CLSTN2: variants seen among roughly 807,000 people sequenced by gnomAD.
The protein encoded by CLSTN2 is calsyntenin-2.
CLSTN2 carries 48 observed loss-of-function variants against 101.2 expected under a neutral mutation model. The observed-to-expected ratio is 0.47, with a 90% CI of 0.38 to 0.60. The LOEUF (loss-of-function observed/expected upper bound fraction) is 0.60. Ranked by LOEUF, CLSTN2 falls within the 20% of genes least tolerant of loss-of-function variation. CLSTN2 has a pLI of 0.00. For synonymous variants in CLSTN2, 481 were observed against 463.6 expected, an observed-to-expected ratio of 1.04 and a Z score of -0.48; for missense variants, 1,160 against 1,238.2, an observed-to-expected ratio of 0.94 and a Z score of 0.95.
chr3:140,331,292 C>T (rs2087381176), intron 2 of CLSTN2, among the ~76,000 whole-genome samples: 1 of 152,188 alleles, frequency 6.6e-6, no homozygotes, highest in Admixed American at 6.5e-5. Context: ...ACCTGCTTTT[C>T]TACCTGGGCT....
chr3:139,975,524 G>A (rs552824182), intron 1 of CLSTN2, among the ~76,000 whole-genome samples: 5 of 152,190 alleles, frequency 3.3e-5, no homozygotes, highest in African/African-American at 9.7e-5. Context: ...AATCAGGACC[G>A]AGAGGCTGAT....
chr3:140,368,136 G>A (rs2087813391), intron 2 of CLSTN2, among the ~76,000 whole-genome samples: 2 of 152,322 alleles, frequency 1.3e-5, no homozygotes, highest in South Asian at 2.1e-4. Flanking sequence ...GAGCAGGGAT[G>A]CCTAAGTTAG....
intron 2 of CLSTN2, among the ~76,000 whole-genome samples, chr3:140,314,698 GGACCCAACCATCATTTT>G (rs1238404748): frequency 7.9e-5 from 12 of 152,110 alleles, no homozygotes; most frequent in Non-Finnish European, 1.5e-4. Flanking sequence ...GTGGGAACTG[GGACCCAACCATCATTTT>G]GAGTCTAATA....
At chr3:140,466,534 G>T (rs1227676606) in intron 7 of CLSTN2, 76 bp from the exon 8 acceptor site, 6 of 1,584,870 alleles carry the variant, frequency 3.8e-6, no homozygotes, top group Non-Finnish European at 5.2e-6. Flanking sequence ...TGCTAAGTGA[G>T]TGAGCAGGAA....
intron 1 of CLSTN2, among the ~76,000 whole-genome samples, chr3:140,152,963 A>T (rs1477484841): frequency 6.6e-6 from 1 of 152,224 alleles, no homozygotes; most frequent in Admixed American, 6.5e-5. Flanking sequence ...TAACTCAAAC[A>T]TTCCTAATGG....
intron 2 of CLSTN2, among the ~76,000 whole-genome samples, chr3:140,318,139 A>C (rs2087246219): frequency 6.6e-6 from 1 of 152,204 alleles, no homozygotes; most frequent in Admixed American, 6.5e-5. Context: ...CTCCAGAGGT[A>C]ATAGTCTTAA....
At chr3:140,490,609 A>C (rs997446699) in intron 8 of CLSTN2, among the ~76,000 whole-genome samples, 2 of 151,626 alleles carry the variant, frequency 1.3e-5, no homozygotes, top group African/African-American at 2.4e-5. Context: ...AAAAAAAAAA[A>C]AAAAAAACAT....
chr3:140,556,747 A>G (rs1935804520), intron 11 of CLSTN2, 86 bp downstream of exon 11: 3 of 1,370,760 alleles, frequency 2.2e-6, no homozygotes, highest in East Asian at 4.7e-5. Context: ...GTTCCCTCAC[A>G]AAACAGGAGT....
At chr3:139,943,982 G>A (rs754179420) in intron 1 of CLSTN2, among the ~76,000 whole-genome samples, 31 of 152,170 alleles carry the variant, frequency 2.0e-4, no homozygotes, top group Non-Finnish European at 7.3e-5. Flanking sequence ...CCAGCCTGGC[G>A]TAAAAGTCTA....
chr3:140,393,570 C>A (rs764163866), intron 2 of CLSTN2, among the ~76,000 whole-genome samples: 1 of 152,178 alleles, frequency 6.6e-6, no homozygotes, highest in Admixed American at 6.5e-5. Flanking sequence ...CAGAGGTAAT[C>A]GGACATGGTA....
intron 2 of CLSTN2, among the ~76,000 whole-genome samples, chr3:140,259,641 T>A (rs1278888100): frequency 6.6e-6 from 1 of 152,128 alleles, no homozygotes; most frequent in African/African-American, 2.4e-5. Flanking sequence ...TCCCACCTTT[T>A]CAAACCCCAT....
At chr3:140,387,088 A>G (rs914547732) in intron 2 of CLSTN2, among the ~76,000 whole-genome samples, 1 of 152,206 alleles carries the variant, frequency 6.6e-6, no homozygotes, top group Non-Finnish European at 1.5e-5. Flanking sequence ...AGTCAGGGAG[A>G]TGAGATGAGG....
At chr3:140,309,610 C>G (rs1275710738) in intron 2 of CLSTN2, among the ~76,000 whole-genome samples, 1 of 152,090 alleles carries the variant, frequency 6.6e-6, no homozygotes, top group Non-Finnish European at 1.5e-5. Context: ...TCCAGCAGAC[C>G]TGCTGGGCAC....
chr3:140,086,821 A>T (rs1462955631), intron 1 of CLSTN2, among the ~76,000 whole-genome samples: 1 of 152,216 alleles, frequency 6.6e-6, no homozygotes, highest in East Asian at 1.9e-4. Flanking sequence ...TCTGTTTCAC[A>T]GCTGTCTTTG....
chr3:139,963,780 C>T (rs551279788), intron 1 of CLSTN2, among the ~76,000 whole-genome samples: 1 of 152,278 alleles, frequency 6.6e-6, no homozygotes, highest in Middle Eastern at 3.4e-3. Context: ...GCATAATGGG[C>T]TGTAGTTTGT....
At chr3:140,315,737 A>T (rs1353212593) in intron 2 of CLSTN2, among the ~76,000 whole-genome samples, 1 of 152,188 alleles carries the variant, frequency 6.6e-6, no homozygotes, top group Non-Finnish European at 1.5e-5. Flanking sequence ...GGAGGACCCA[A>T]ATGCCTTTTC....
intron 4 of CLSTN2, among the ~76,000 whole-genome samples, chr3:140,419,137 G>A (rs2088464722): frequency 6.6e-6 from 1 of 151,782 alleles, no homozygotes; most frequent in Non-Finnish European, 1.5e-5. Flanking sequence ...ATAGCAGTTA[G>A]AAGAAAGCTC....
chr3:140,307,824 G>A (rs552486715), intron 2 of CLSTN2, among the ~76,000 whole-genome samples: 1 of 152,090 alleles, frequency 6.6e-6, no homozygotes, highest in Non-Finnish European at 1.5e-5. Flanking sequence ...GCTCTTTAAG[G>A]CTTCTGGTAT....
At chr3:139,998,934 A>G (rs551114486) in intron 1 of CLSTN2, among the ~76,000 whole-genome samples, 3 of 152,108 alleles carry the variant, frequency 2.0e-5, no homozygotes, top group South Asian at 4.2e-4. Flanking sequence ...AAATGAGATT[A>G]CCTCTGATGG....
Sources: gnomAD v4.1 joint callset for allele counts (sites outside exome capture counted in the v4.1 genomes callset) on GRCh38, gnomAD v4.1.1 for gene constraint, MANE v1.5 for transcripts, NCBI Gene and HGNC (gene_info 2026-07-23, HGNC 2026-07-21) for gene names.